Variants in SPIDR observed in about 807,000 individuals in gnomAD.
The protein encoded by SPIDR is DNA repair-scaffolding protein.
Under a neutral mutation model 104.6 loss-of-function variants are expected in SPIDR, and 93 were observed. The ratio of observed to expected loss-of-function variants is 0.89; its 90% CI spans 0.75 to 1.06. SPIDR has a LOEUF of 1.06. SPIDR is among the 50% of genes least tolerant of loss of function. The pLI, the probability that SPIDR is intolerant of heterozygous loss-of-function variation, is 0.00. For missense variants in SPIDR, 1,154 were observed against 1,111.2 expected (o/e 1.04, Z -0.55); for synonymous variants, 431 against 416.9 (o/e 1.03, Z -0.41).
intron 5 of SPIDR, among the ~76,000 whole-genome samples, chr8:47,329,932 T>C (rs2048365162): frequency 6.6e-6 from 1 of 152,230 alleles, no homozygotes; most frequent in Non-Finnish European, 1.5e-5. Flanking sequence ...ATAGTACAAT[T>C]ACGTACATAT....
intron 5 of SPIDR, among the ~76,000 whole-genome samples, chr8:47,365,461 A>T (rs1430061163): frequency 6.6e-6 from 1 of 152,122 alleles, no homozygotes; most frequent in Non-Finnish European, 1.5e-5. Flanking sequence ...GCAACATGGG[A>T]AGGTTTCTTT....
chr8:47,390,777 G>A (rs1408248355), intron 5 of SPIDR, among the ~76,000 whole-genome samples: 2 of 152,058 alleles, frequency 1.3e-5, no homozygotes, highest in African/African-American at 4.8e-5. Flanking sequence ...ATTAAGCTGG[G>A]AATGGGGGAG....
At chr8:47,262,735 G>A (rs879346102) in intron 1 of SPIDR, among the ~76,000 whole-genome samples, 2 of 152,196 alleles carry the variant, frequency 1.3e-5, no homozygotes, top group Non-Finnish European at 2.9e-5. Context: ...ACTATAGAGG[G>A]TCCCCAGGAG....
chr8:47,502,811 T>C (rs892614798), intron 8 of SPIDR, among the ~76,000 whole-genome samples: 1 of 152,234 alleles, frequency 6.6e-6, no homozygotes, highest in Admixed American at 6.5e-5. Flanking sequence ...GCTTTGAATA[T>C]GTCCCAGAGA....
In SPIDR at chr8:47,437,794, C is replaced by G. The variant is rs1554693396; in HGVS notation, c.878-2529C>G. On this transcript the variant is annotated intron_variant, in intron 7 of 19. Coordinates refer to ENST00000297423, the MANE Select transcript of SPIDR (RefSeq NM_001080394.4). ...GAACACTTTTACACTGTTGGTGGGA[C>G]TGTAAACTAGTTCAACCATTGTGGA... Among the ~76,000 whole-genome samples, 6 of 152,154 alleles carry G rather than the reference C, an allele frequency of 3.9e-5. No homozygotes were observed. The South Asian group carries it at 8.3e-4, about 21-fold the overall frequency.
Position 47,351,186 on chromosome 8 carries a change from C to T in SPIDR, c.526-45190C>T, listed in dbSNP as rs539358076. ...ATCGTTCTATTATTATGTTGTTAAT[C>T]TCTTTACTGTGTCTGATTTATAAAT... On this transcript the variant is annotated intron_variant, in intron 5 of 19. Transcript: ENST00000297423. 3.3e-5 allele frequency among the ~76,000 whole-genome samples: 5 copies of T among 152,308 alleles called. No individual in the cohort carries two copies. The South Asian group carries it at 1.0e-3, about 32-fold the overall frequency.
chr8:47,653,889 AG>A (rs2072172114), intron 10 of SPIDR: 1 of 842,540 alleles, frequency 1.2e-6, no homozygotes, highest in Non-Finnish European at 1.4e-6. Flanking sequence ...TTTAATGCAA[AG>A]GAAAAAAAGG....
chr8:47,532,585 G>A (rs564756615), intron 8 of SPIDR, among the ~76,000 whole-genome samples: 37 of 152,244 alleles, frequency 2.4e-4, no homozygotes, highest in Admixed American at 1.9e-3. Flanking sequence ...CCAAGATGGC[G>A]TAACAGCCCT....
Position 47,378,961 on chromosome 8 carries a change from T to G in SPIDR, c.526-17415T>G, listed in dbSNP as rs139566634. 1.1e-3 allele frequency among the ~76,000 whole-genome samples: 174 copies of G among 152,328 alleles called. 1 individual carries two copies. Among genetic ancestry groups the G allele is most frequent in the African/African-American group, 4.1e-3 (169 of 41,562 alleles). On this transcript the variant is annotated intron_variant, in intron 5 of 19. Transcript: ENST00000297423. ...TCTAAAGAGCAGAACCTATATTTTA[T>G]TCATCTTTATAGTCCTCCTAGTGTC...
At chr8:47,674,214 C>A (rs546009883) in intron 11 of SPIDR, among the ~76,000 whole-genome samples, 1 of 152,264 alleles carries the variant, frequency 6.6e-6, no homozygotes, top group East Asian at 1.9e-4. Flanking sequence ...TTATGAAAAT[C>A]TGTCTTTTGT....
chr8:47,289,200 T>G (rs587617999), intron 3 of SPIDR, among the ~76,000 whole-genome samples: 2,054 of 152,140 alleles, frequency 0.014, 56 homozygotes, highest in African/African-American at 0.046. Context: ...TTGTAGAGAT[T>G]GGGTCTCACT....
At chr8:47,472,291 T>C (rs1564070686) in intron 8 of SPIDR, among the ~76,000 whole-genome samples, 1 of 152,166 alleles carries the variant, frequency 6.6e-6, no homozygotes, top group Non-Finnish European at 1.5e-5. Context: ...ATGATGGCTG[T>C]CACCCTGCAA....
At chr8:47,494,782 C>T (rs2079199000) in intron 8 of SPIDR, among the ~76,000 whole-genome samples, 1 of 152,134 alleles carries the variant, frequency 6.6e-6, no homozygotes, top group Admixed American at 6.5e-5. Context: ...AGGGAGACTT[C>T]CCATCTCTAA....
chr8:47,466,698 G>A lies in SPIDR; in HGVS notation c.1097+26156G>A, dbSNP rs369854839. Among the ~76,000 whole-genome samples, 54 of 139,524 alleles carry A rather than the reference G, an allele frequency of 3.9e-4. No homozygotes were observed. In the South Asian group the frequency reaches 6.8e-3, roughly 17 times the overall value. The allele number at this position is 139,524 out of a possible 152,430, so 91.5% of individuals were successfully genotyped here. A position where few individuals can be genotyped will look rare whatever the true frequency, so the allele number is the denominator to read the frequency against. On this transcript the variant is annotated intron_variant, in intron 8 of 19. Transcript: ENST00000297423. ...CAACATGGTGAAACCCCGTCTCTAC[G>A]AAAAATACAAAAAAAAAAAAGTTAG...
chr8:47,600,694 A>G (rs1588246296), intron 10 of SPIDR, among the ~76,000 whole-genome samples: 1 of 152,212 alleles, frequency 6.6e-6, no homozygotes, highest in Non-Finnish European at 1.5e-5. Context: ...ACAGTTACAC[A>G]TCAGACATAG....
At chr8:47,530,666 G>A (rs1380778487) in intron 8 of SPIDR, among the ~76,000 whole-genome samples, 1 of 152,064 alleles carries the variant, frequency 6.6e-6, no homozygotes, top group Non-Finnish European at 1.5e-5. Context: ...ACATTACTAT[G>A]CACTACTGTA....
intron 5 of SPIDR, among the ~76,000 whole-genome samples, chr8:47,361,502 A>T (rs932400044): frequency 6.6e-6 from 1 of 152,328 alleles, no homozygotes. Context: ...ACCAAAACCA[A>T]ATATTCACAT....
chr8:47,722,150 T>C (rs141399670), intron 16 of SPIDR, among the ~76,000 whole-genome samples: 154 of 152,308 alleles, frequency 1.0e-3, no homozygotes, highest in African/African-American at 3.5e-3. Context: ...CTATTGTAAA[T>C]AGTATTATTT....
chr8:47,370,462 T>C (rs993955846), intron 5 of SPIDR, among the ~76,000 whole-genome samples: 1 of 148,238 alleles, frequency 6.7e-6, no homozygotes, highest in Non-Finnish European at 1.5e-5. Flanking sequence ...TTTTTTTTTT[T>C]TTGAGACGGA....
Sources: allele counts gnomAD v4.1 joint callset (sites outside exome capture counted in the v4.1 genomes callset), GRCh38; gene constraint gnomAD v4.1.1; transcripts MANE v1.5; gene names NCBI Gene and HGNC (gene_info 2026-07-23, HGNC 2026-07-21).